PDZRN3: variants seen among roughly 807,000 people sequenced by gnomAD.
PDZRN3 encodes PDZ domain containing ring finger 3.
A neutral mutation model predicts 85.7 loss-of-function variants in PDZRN3; 38 were observed. The observed-to-expected ratio is 0.44, with a 90% CI of 0.34 to 0.58. The LOEUF (loss-of-function observed/expected upper bound fraction) is 0.58, where lower values mean the gene tolerates loss of function less well. Ranked by LOEUF, PDZRN3 falls within the 20% of genes least tolerant of loss-of-function variation. PDZRN3 has a pLI of 0.01. For synonymous variants in PDZRN3, 759 were observed against 638.0 expected (o/e 1.19, Z -2.86); for missense variants, 1,629 against 1,506.4 (o/e 1.08, Z -1.35).
intron 9 of PDZRN3, 39 bp from the exon 10 acceptor site, chr3:73,384,969 G>A (rs369028266): frequency 1.7e-5 from 27 of 1,549,666 alleles, no homozygotes; most frequent in Non-Finnish European, 2.3e-5. Context: ...AGTGAGGGAG[G>A]CCTGCGCAGC....
At chr3:73,418,217 A>G (rs1170436313) in intron 3 of PDZRN3, among the ~76,000 whole-genome samples, 1 of 152,232 alleles carries the variant, frequency 6.6e-6, no homozygotes, top group East Asian at 1.9e-4. Flanking sequence ...AAAAATAAGA[A>G]TGGTGGGTTA....
At chr3:73,393,067 A>T (rs1008668659) in intron 5 of PDZRN3, among the ~76,000 whole-genome samples, 6 of 152,046 alleles carry the variant, frequency 3.9e-5, no homozygotes, top group African/African-American at 1.2e-4. Context: ...CATTTCCTCA[A>T]GGTTAGTGTG....
intron 3 of PDZRN3, among the ~76,000 whole-genome samples, chr3:73,447,002 C>T (rs1045326991): frequency 6.8e-6 from 1 of 148,146 alleles, no homozygotes; most frequent in Non-Finnish European, 1.5e-5. Context: ...TTCGGATGGA[C>T]GTGAGCTGAA....
At chr3:73,525,442 G>A (rs1378615980) in intron 3 of PDZRN3, among the ~76,000 whole-genome samples, 1 of 152,174 alleles carries the variant, frequency 6.6e-6, no homozygotes, top group East Asian at 1.9e-4. Context: ...CCACATTTGG[G>A]AGAAGGGAGA....
At chr3:73,465,227 G>A (rs577793940) in intron 3 of PDZRN3, among the ~76,000 whole-genome samples, 1 of 152,190 alleles carries the variant, frequency 6.6e-6, no homozygotes, top group South Asian at 2.1e-4. Context: ...CTGGTACACA[G>A]CAGGTACTAA....
At chr3:73,553,722 A>C (rs866140995) in intron 3 of PDZRN3, among the ~76,000 whole-genome samples, 2 of 152,218 alleles carry the variant, frequency 1.3e-5, no homozygotes, top group African/African-American at 4.8e-5. Flanking sequence ...GTGTGACTTC[A>C]GAACACGCAG....
At position 73,384,440 on chromosome 3, in the gene PDZRN3, TGCATCTTGTGGGCGC is replaced by T. The variant is rs1701308540; in HGVS notation, c.2111_2125del (p.Arg704_Met708del). 1 of 1,611,906 alleles carries T rather than the reference TGCATCTTGTGGGCGC, an allele frequency of 6.2e-7. No homozygotes were observed. The highest frequency in any genetic ancestry group is 1.3e-5 in the African/African-American group (1 of 74,944). ...CTCGCGGTACTGCTCCTTGAGCTGC[TGCATCTTGTGGGCGC>T]GCACGATGCTCAGGCACTCCAGCTC... On this transcript the variant is annotated inframe_deletion, in exon 10 of 10. Coordinates refer to ENST00000263666, the MANE Select transcript of PDZRN3 (RefSeq NM_015009.3).
intron 3 of PDZRN3, among the ~76,000 whole-genome samples, chr3:73,427,085 T>C (rs1459550119): frequency 6.6e-6 from 1 of 152,120 alleles, no homozygotes; most frequent in African/African-American, 2.4e-5. Flanking sequence ...GGCAGGCAAT[T>C]AGTAGATGGA....
chr3:73,517,038 T>C (rs1001962116), intron 3 of PDZRN3, among the ~76,000 whole-genome samples: 2 of 152,174 alleles, frequency 1.3e-5, no homozygotes, highest in Non-Finnish European at 2.9e-5. Flanking sequence ...AAAGGGAGAA[T>C]ACAAAGTGCT....
intron 3 of PDZRN3, among the ~76,000 whole-genome samples, chr3:73,574,453 G>T (rs1182922215): frequency 2.4e-5 from 2 of 82,942 alleles, no homozygotes; most frequent in East Asian, 3.3e-4. Flanking sequence ...TTTTTTGGCT[G>T]GGGTGGGGGG....
At chr3:73,385,075 A>T in intron 9 of PDZRN3, 145 bp from the exon 10 acceptor site, 8 of 889,790 alleles carry the variant, frequency 9.0e-6, no homozygotes, top group Non-Finnish European at 1.2e-5. Flanking sequence ...GGACCACGTC[A>T]ATAGCGTGGG....
chr3:73,445,761 G>C (rs1186837862), intron 3 of PDZRN3, among the ~76,000 whole-genome samples: 2 of 152,202 alleles, frequency 1.3e-5, no homozygotes, highest in African/African-American at 4.8e-5. Context: ...ATATATATGT[G>C]TGTCCAAAAG....
intron 3 of PDZRN3, among the ~76,000 whole-genome samples, chr3:73,456,145 G>A (rs1430397937): frequency 4.6e-5 from 7 of 152,024 alleles, no homozygotes; most frequent in Non-Finnish European, 7.3e-5. Flanking sequence ...TATGGTCTAC[G>A]TATAAATGTT....
intron 3 of PDZRN3, among the ~76,000 whole-genome samples, chr3:73,430,842 C>G (rs190565013): frequency 6.6e-6 from 1 of 152,180 alleles, no homozygotes. Flanking sequence ...CCTTGACAAC[C>G]TTAAAGCATC....
Position 73,448,302 on chromosome 3 carries a change from A to G in PDZRN3, c.919-43907T>C, listed in dbSNP as rs558219752. On this transcript the variant is annotated intron_variant, in intron 3 of 9. Coordinates refer to ENST00000263666, the MANE Select transcript of PDZRN3 (RefSeq NM_015009.3). ...TGTGAAGACTAATGAGAAATTACTC[A>G]TACAGAGTTACTCAGTGAAGTGGCT... 3.3e-5 allele frequency among the ~76,000 whole-genome samples: 5 copies of G among 152,382 alleles called. No individual in the cohort carries two copies. The South Asian group carries it at 6.2e-4, about 19-fold the overall frequency.
intron 1 of PDZRN3, among the ~76,000 whole-genome samples, chr3:73,611,712 G>GT (rs1306975834): frequency 1.3e-5 from 2 of 152,248 alleles, no homozygotes; most frequent in African/African-American, 2.4e-5. Context: ...CGTGATTCTG[G>GT]TTTTTCCTTT....
chr3:73,528,644 C>T (rs1032681810), intron 3 of PDZRN3, among the ~76,000 whole-genome samples: 4 of 152,062 alleles, frequency 2.6e-5, no homozygotes, highest in Admixed American at 2.6e-4. Flanking sequence ...ATTATATTCA[C>T]AGCCATGTTG....
At chr3:73,471,845 A>T (rs1703346813) in intron 3 of PDZRN3, among the ~76,000 whole-genome samples, 1 of 152,260 alleles carries the variant, frequency 6.6e-6, no homozygotes, top group Non-Finnish European at 1.5e-5. Context: ...CTTAGATTAA[A>T]AATTTACCAT....
intron 3 of PDZRN3, among the ~76,000 whole-genome samples, chr3:73,597,611 C>A (rs943233612): frequency 2.0e-5 from 3 of 151,968 alleles, no homozygotes; most frequent in African/African-American, 7.3e-5. Flanking sequence ...CAAAAATGAG[C>A]TTGGTTCTCC....
Sources: gnomAD v4.1 joint callset for allele counts (sites outside exome capture counted in the v4.1 genomes callset) on GRCh38, gnomAD v4.1.1 for gene constraint, MANE v1.5 for transcripts, NCBI Gene and HGNC (gene_info 2026-07-23, HGNC 2026-07-21) for gene names.